Variants in NARS2 observed in about 807,000 individuals in gnomAD.
The protein encoded by NARS2 is asparaginyl-tRNA synthetase.
A neutral mutation model predicts 62.9 loss-of-function variants in NARS2; 60 were observed. That is an observed-to-expected ratio of 0.95 (90% confidence interval 0.77 to 1.18). NARS2 has a LOEUF of 1.18. NARS2 is among the 50% of genes most tolerant of loss of function. The pLI, the probability that NARS2 is intolerant of heterozygous loss-of-function variation, is 0.00. For missense variants in NARS2, 619 were observed against 576.4 expected, an observed-to-expected ratio of 1.07 and a Z score of -0.76; for synonymous variants, 196 against 200.0, an observed-to-expected ratio of 0.98 and a Z score of 0.17.
At chr11:78,507,854 AAAG>A (rs1292326247) in intron 6 of NARS2, among the ~76,000 whole-genome samples, 2 of 117,836 alleles carry the variant, frequency 1.7e-5, no homozygotes, top group African/African-American at 5.7e-5. Context: ...CAAGGCATAT[AAAG>A]AAAGATAAAA....
intron 5 of NARS2, among the ~76,000 whole-genome samples, chr11:78,539,403 A>T (rs1301540643): frequency 1.3e-5 from 2 of 152,186 alleles, no homozygotes; most frequent in African/African-American, 4.8e-5. Context: ...TTTTTACTTA[A>T]GCAAATGAGT....
chr11:78,437,553 T>C (rs1211191576), intron 13 of NARS2, among the ~76,000 whole-genome samples: 1 of 152,198 alleles, frequency 6.6e-6, no homozygotes, highest in African/African-American at 2.4e-5. Flanking sequence ...GGCACAGACA[T>C]GACTGAAACT....
intron 11 of NARS2, among the ~76,000 whole-genome samples, chr11:78,460,822 A>G (rs957020454): frequency 6.6e-6 from 1 of 152,202 alleles, no homozygotes; most frequent in Admixed American, 6.5e-5. Flanking sequence ...GAGGTTCTGC[A>G]TTTGTGGATT....
intron 11 of NARS2, among the ~76,000 whole-genome samples, chr11:78,454,722 G>A (rs941391213): frequency 2.6e-5 from 4 of 151,724 alleles, no homozygotes; most frequent in South Asian, 2.1e-4. Flanking sequence ...GGGTTCAAGC[G>A]ATTCTCTTGC....
intron 11 of NARS2, among the ~76,000 whole-genome samples, chr11:78,451,194 G>T (rs184474674): frequency 5.9e-5 from 9 of 152,280 alleles, no homozygotes; most frequent in Admixed American, 4.6e-4. Flanking sequence ...AATACACAGA[G>T]TGTACTTTCT....
intron 6 of NARS2, 66 bp from the exon 7 acceptor site, chr11:78,493,261 CAGTGAGCTCT>C: frequency 6.8e-7 from 1 of 1,473,726 alleles, no homozygotes; most frequent in Non-Finnish European, 9.3e-7. Flanking sequence ...TTTAAATATT[CAGTGAGCTCT>C]TACGGAAAAT....
intron 2 of NARS2, 69 bp from the exon 3 acceptor site, chr11:78,568,821 CAATAAG>C: frequency 7.9e-7 from 1 of 1,270,210 alleles, no homozygotes; most frequent in Non-Finnish European, 1.1e-6. Context: ...ATCAACTTTG[CAATAAG>C]AATATTAAAA....
chr11:78,487,159 C>T (rs1057171137), intron 7 of NARS2, among the ~76,000 whole-genome samples: 6 of 151,798 alleles, frequency 4.0e-5, no homozygotes, highest in Non-Finnish European at 7.4e-5. Flanking sequence ...AGTTTGAGAC[C>T]AGCCCGGCCA....
At chr11:78,480,275 T>C (rs1859290531) in intron 7 of NARS2, among the ~76,000 whole-genome samples, 2 of 152,168 alleles carry the variant, frequency 1.3e-5, no homozygotes. Context: ...TATTTATTTA[T>C]TGTTTTTTTA....
intron 11 of NARS2, among the ~76,000 whole-genome samples, chr11:78,455,163 C>A (rs1249612462): frequency 1.3e-5 from 2 of 152,042 alleles, no homozygotes; most frequent in Admixed American, 6.6e-5. Flanking sequence ...ACATACAATG[C>A]CTCTCTGTTT....
At chr11:78,505,345 G>A (rs1198750135) in intron 6 of NARS2, among the ~76,000 whole-genome samples, 1 of 146,078 alleles carries the variant, frequency 6.8e-6, no homozygotes, top group Non-Finnish European at 1.5e-5. Context: ...TATATCTTAT[G>A]TTAAAAGAGA....
chr11:78,547,999 C>T (rs114572263), intron 5 of NARS2, among the ~76,000 whole-genome samples: 2,179 of 152,212 alleles, frequency 0.014, 55 homozygotes, highest in African/African-American at 0.05. Flanking sequence ...ATTGGAGGAT[C>T]GCTTGAGTCC....
At chr11:78,522,835 C>G (rs1222371187) in intron 6 of NARS2, among the ~76,000 whole-genome samples, 1 of 152,132 alleles carries the variant, frequency 6.6e-6, no homozygotes, top group Non-Finnish European at 1.5e-5. Flanking sequence ...TATTAAAAAT[C>G]TGGAATCAGT....
intron 10 of NARS2, among the ~76,000 whole-genome samples, chr11:78,468,390 A>G (rs1335027348): frequency 6.7e-6 from 1 of 148,636 alleles, no homozygotes; most frequent in Non-Finnish European, 1.5e-5. Context: ...ATTTGATAAT[A>G]TAACTTCTTT....
At chr11:78,438,980 ATT>A (rs928649517) in intron 13 of NARS2, among the ~76,000 whole-genome samples, 1 of 146,008 alleles carries the variant, frequency 6.8e-6, no homozygotes. Context: ...TATTTAACCA[ATT>A]TTTTTTTTTT....
At chr11:78,574,307 G>A in intron 1 of NARS2, 41 bp downstream of exon 1, 1 of 1,613,300 alleles carries the variant, frequency 6.2e-7, no homozygotes, top group South Asian at 1.1e-5. Flanking sequence ...CCATATAAAA[G>A]TCCCTACAAG....
intron 11 of NARS2, among the ~76,000 whole-genome samples, chr11:78,446,051 G>A (rs1857748929): frequency 6.6e-6 from 1 of 152,078 alleles, no homozygotes; most frequent in Non-Finnish European, 1.5e-5. Context: ...CCAAGAACCT[G>A]AAGGTAAAAA....
chr11:78,450,549 T>C (rs1023057301), intron 11 of NARS2, among the ~76,000 whole-genome samples: 1 of 152,154 alleles, frequency 6.6e-6, no homozygotes, highest in African/African-American at 2.4e-5. Flanking sequence ...GATACCTGTA[T>C]CTTTTGAGCA....
chr11:78,506,753 C>A (rs748093236), intron 6 of NARS2, among the ~76,000 whole-genome samples: 8 of 152,176 alleles, frequency 5.3e-5, no homozygotes, highest in Non-Finnish European at 1.0e-4. Flanking sequence ...CAAGGCTGGT[C>A]TCGAACTCCT....
Sources: gnomAD v4.1 joint callset for allele counts (sites outside exome capture counted in the v4.1 genomes callset) on GRCh38, gnomAD v4.1.1 for gene constraint, MANE v1.5 for transcripts, NCBI Gene and HGNC (gene_info 2026-07-23, HGNC 2026-07-21) for gene names.